EML4: variants seen among roughly 807,000 people sequenced by gnomAD.
EML4 encodes the protein EMAP like 4, also known as echinoderm microtubule-associated protein-like 4.
Under a neutral mutation model 129.0 loss-of-function variants are expected in EML4, and 72 were observed. That is an observed-to-expected ratio of 0.56 (90% confidence interval 0.46 to 0.68). The LOEUF (loss-of-function observed/expected upper bound fraction) is 0.68, where lower values mean the gene tolerates loss of function less well. EML4 is among the 30% of genes least tolerant of loss of function. EML4 has a pLI of 0.00. For synonymous variants in EML4, 532 were observed against 405.0 expected, an observed-to-expected ratio of 1.31 and a Z score of -3.77; for missense variants, 1,363 against 1,190.6, an observed-to-expected ratio of 1.14 and a Z score of -2.13.
chr2:42,246,444 A>C (rs923956854), intron 2 of EML4, among the ~76,000 whole-genome samples: 2 of 152,190 alleles, frequency 1.3e-5, no homozygotes, highest in African/African-American at 4.8e-5. Context: ...TTGCCTTCCT[A>C]CTTCGATGTC....
chr2:42,310,844 T>TA (rs1355694408), intron 17 of EML4, among the ~76,000 whole-genome samples: 2 of 152,210 alleles, frequency 1.3e-5, no homozygotes, highest in Non-Finnish European at 2.9e-5. Context: ...GATTTGTTGT[T>TA]AGAGATAGAG....
rs925650865 is a variant in EML4 at position 42,329,790 on chromosome 2, T to G, written c.2529T>G (p.Thr843=). The change falls in exon 23 of 23, where the codon ACT becomes ACG. Residue 843 remains threonine (T), a synonymous_variant. Coordinates refer to ENST00000318522, the MANE Select transcript of EML4 (RefSeq NM_019063.5). The part of the protein sequence containing the change: ...HSSHVTNVSF[T]HNDSHLISTG... ...GCCATGTCACCAATGTCAGTTTTACTCACAATGACAGTCACCTGATATCAA... is the reference window on the plus strand; with the variant it reads ...GCCATGTCACCAATGTCAGTTTTACGCACAATGACAGTCACCTGATATCAA... 6.2e-7 allele frequency: 1 copy of G among 1,614,148 alleles called. No homozygotes were observed. Among genetic ancestry groups the G allele is most frequent in the African/African-American group, 1.3e-5 (1 of 75,036 alleles).
At chr2:42,271,467 A>T (rs1425133448) in intron 6 of EML4, among the ~76,000 whole-genome samples, 1 of 152,130 alleles carries the variant, frequency 6.6e-6, no homozygotes, top group Non-Finnish European at 1.5e-5. Flanking sequence ...TGTGGTTAGT[A>T]GCAGTCTTCC....
chr2:42,241,619 A>C (rs1675037582), intron 1 of EML4, among the ~76,000 whole-genome samples: 1 of 152,210 alleles, frequency 6.6e-6, no homozygotes, highest in Non-Finnish European at 1.5e-5. Context: ...ATCTTCCTGA[A>C]ACAAAAAACG....
In EML4 at chr2:42,245,094, C is replaced by CTTTTTTTTTTTTTTTTTTTTTT. The variant is rs56808218; in HGVS notation, c.26-393_26-392insTTTTTTTTTTTTTTTTTTTTTT. On this transcript the variant is annotated intron_variant, in intron 1 of 22. Coordinates refer to ENST00000318522, the MANE Select transcript of EML4 (RefSeq NM_019063.5). ...AGTTTTTTGTTTTGAAATTTTCTTTCTTTTTTTTTTTTTTTTTTGAGACAG... is the reference window on the plus strand; with the variant it reads ...AGTTTTTTGTTTTGAAATTTTCTTTCTTTTTTTTTTTTTTTTTTTTTTTTTTTTTTTTTTTTTTTTGAGACAG... Among the ~76,000 whole-genome samples the CTTTTTTTTTTTTTTTTTTTTTT allele has an allele frequency of 4.3e-3, 284 of 66,526 alleles. 59 individuals are homozygous for CTTTTTTTTTTTTTTTTTTTTTT. The highest frequency in any genetic ancestry group is 6.3e-3 in the South Asian group (7 of 1,112). 43.6% of individuals were successfully genotyped at this position (66,526 alleles called of 152,430 possible).
rs777292968 is a variant in EML4 at position 42,332,152 on chromosome 2, AAG to A, written c.*1948_*1949del. 5.4e-5 allele frequency: 12 copies of A among 220,556 alleles called. No individual in the cohort carries two copies. The highest frequency in any genetic ancestry group is 8.2e-5 in the Non-Finnish European group (9 of 110,130). The allele number at this position is 220,556 out of a possible 1,614,324, so 13.7% of individuals were successfully genotyped here. ...ATGAACAGGCAGTTCTTGGAGAAGAAAGAGCATTTCTTTAAGTACCTGGGGAA... is the reference window on the plus strand; with the variant it reads ...ATGAACAGGCAGTTCTTGGAGAAGAAAGCATTTCTTTAAGTACCTGGGGAA... On this transcript the variant is annotated 3_prime_UTR_variant, in exon 23 of 23. Transcript: ENST00000318522.
At chr2:42,280,774 A>C in intron 6 of EML4, 76 bp from the exon 7 acceptor site, 1 of 1,115,002 alleles carries the variant, frequency 9.0e-7, no homozygotes, top group Non-Finnish European at 1.3e-6. Context: ...TTTTTATTGT[A>C]TCACGTTAAT....
chr2:42,169,675 G>T (rs755430479), intron 1 of EML4, 39 bp downstream of exon 1: 1 of 1,592,258 alleles, frequency 6.3e-7, no homozygotes. Flanking sequence ...TCTGCGAAGG[G>T]TAGGAACTTT....
chr2:42,329,146 C>A, intron 22 of EML4, 130 bp downstream of exon 22: 1 of 835,442 alleles, frequency 1.2e-6, no homozygotes. Flanking sequence ...GAGATAAGGG[C>A]CATCGGTGAG....
intron 19 of EML4, chr2:42,319,890 G>T (rs755261008): frequency 6.6e-6 from 1 of 152,146 alleles, no homozygotes; most frequent in Non-Finnish European, 1.5e-5. Context: ...AGCACAGTAC[G>T]CTTAGAGCTT....
At position 42,288,289 on chromosome 2, in the gene EML4, C is replaced by G; in HGVS notation, c.1185C>G (p.Asp395Glu). The change falls in exon 11 of 23, where the codon GAC becomes GAG. Residue 395 changes from aspartate to glutamate, a missense_variant. Coordinates refer to ENST00000318522, the MANE Select transcript of EML4 (RefSeq NM_019063.5). ...ATGAGCATATGCTTACTGTATGGGA[C>G]TGGCAGAAGAAAGCAAAAGGAGCAG... ...DSNEHMLTVW[D>E]WQKKAKGAEI... 1 of 1,575,150 alleles carries G rather than the reference C, an allele frequency of 6.3e-7. No individual in the cohort carries two copies. The highest frequency in any genetic ancestry group is 1.1e-5 in the South Asian group (1 of 88,642).
intron 6 of EML4, among the ~76,000 whole-genome samples, chr2:42,269,411 T>C (rs1666248112): frequency 6.6e-6 from 1 of 152,204 alleles, no homozygotes; most frequent in Non-Finnish European, 1.5e-5. Context: ...TTAACAGATA[T>C]TTACTGAGTG....
At chr2:42,248,776 C>G (rs1247466343) in intron 2 of EML4, among the ~76,000 whole-genome samples, 2 of 152,016 alleles carry the variant, frequency 1.3e-5, no homozygotes, top group Non-Finnish European at 2.9e-5. Flanking sequence ...TTGAGTTACT[C>G]TGTTACCTGG....
intron 5 of EML4, among the ~76,000 whole-genome samples, chr2:42,264,229 C>A (rs114616263): frequency 6.7e-6 from 1 of 150,068 alleles, no homozygotes; most frequent in African/African-American, 2.4e-5. Flanking sequence ...ATTCTCCTAC[C>A]CCAGCTTCCT....
At chr2:42,212,185 C>G (rs1413863649) in intron 1 of EML4, among the ~76,000 whole-genome samples, 4 of 152,128 alleles carry the variant, frequency 2.6e-5, no homozygotes, top group African/African-American at 9.7e-5. Flanking sequence ...TAATGGCTTT[C>G]TTTAAGCCTT....
At chr2:42,273,257 G>A (rs971325921) in intron 6 of EML4, among the ~76,000 whole-genome samples, 1 of 152,138 alleles carries the variant, frequency 6.6e-6, no homozygotes, top group Non-Finnish European at 1.5e-5. Context: ...GTTTTAAGCA[G>A]TATAGTTAGT....
intron 1 of EML4, among the ~76,000 whole-genome samples, chr2:42,223,364 T>G (rs149971978): frequency 3.6e-4 from 55 of 152,308 alleles, no homozygotes; most frequent in African/African-American, 1.3e-3. Flanking sequence ...TATCATTTTT[T>G]TGTTTGCTCA....
chr2:42,259,710 G>GTTTC (rs1424666717), intron 3 of EML4, among the ~76,000 whole-genome samples: 43 of 120,424 alleles, frequency 3.6e-4, no homozygotes, highest in African/African-American at 7.5e-4. Context: ...CTATGATTTT[G>GTTTC]TTTCTTTCTT....
In EML4 at chr2:42,330,174, G is replaced by A; in HGVS notation, c.2913G>A (p.Leu971=). Residue 971 remains leucine (L), a synonymous_variant, in exon 23 of 23, where the codon CTG becomes CTA. Coordinates refer to ENST00000318522, the MANE Select transcript of EML4 (RefSeq NM_019063.5). ...ISKEQAKATL[L]EDQQDPSPSS ...AGGAGCAGGCCAAAGCCACCCTTCT[G>A]GAGGACCAGCAAGACCCTTCGCCCT... 6.2e-7 allele frequency: 1 copy of A among 1,612,298 alleles called. No homozygotes were observed. The highest frequency in any genetic ancestry group is 1.7e-5 in the Admixed American group (1 of 59,682).
Sources: allele counts gnomAD v4.1 joint callset (sites outside exome capture counted in the v4.1 genomes callset), GRCh38; gene constraint gnomAD v4.1.1; transcripts MANE v1.5; gene names NCBI Gene and HGNC (gene_info 2026-07-23, HGNC 2026-07-21).